The following ANO1 variants were observed in gnomAD, a reference collection of about 807,000 sequenced individuals.
ANO1 encodes the protein anoctamin-1.
Under a neutral mutation model 124.0 loss-of-function variants are expected in ANO1, and 59 were observed. The ratio of observed to expected loss-of-function variants is 0.48; its 90% CI spans 0.39 to 0.59. ANO1 has a LOEUF of 0.59. Among genes scored for constraint, ANO1 ranks in the 20% least tolerant of loss-of-function variants. The pLI, the probability that ANO1 is intolerant of heterozygous loss-of-function variation, is 0.00. For synonymous variants in ANO1, 529 were observed against 532.0 expected, an observed-to-expected ratio of 0.99 and a Z score of 0.08; for missense variants, 1,059 against 1,328.0, an observed-to-expected ratio of 0.80 and a Z score of 3.15.
chr11:70,134,865 G>A (rs2046893457), intron 11 of ANO1, among the ~76,000 whole-genome samples: 1 of 152,210 alleles, frequency 6.6e-6, no homozygotes, highest in Non-Finnish European at 1.5e-5. Flanking sequence ...GCGGGGCTGT[G>A]GCAGGAGCTC....
At chr11:70,067,183 A>G (rs1555008714) in intron 1 of ANO1, among the ~76,000 whole-genome samples, 1 of 152,012 alleles carries the variant, frequency 6.6e-6, no homozygotes, top group Non-Finnish European at 1.5e-5. Flanking sequence ...CCTTCCAGCC[A>G]TGTCCAAACC....
chr11:70,110,274 C>A (rs1590757793), intron 6 of ANO1, among the ~76,000 whole-genome samples: 1 of 150,008 alleles, frequency 6.7e-6, no homozygotes, highest in East Asian at 2.0e-4. Context: ...GCAACCTCTG[C>A]CTCCTGGGTT....
At chr11:70,123,763 C>A (rs190627304) in intron 8 of ANO1, among the ~76,000 whole-genome samples, 1 of 152,302 alleles carries the variant, frequency 6.6e-6, no homozygotes, top group Admixed American at 6.5e-5. Context: ...CCCACATGCG[C>A]GGGTTTATTT....
At chr11:70,132,532 T>A (rs2509175) in intron 11 of ANO1, among the ~76,000 whole-genome samples, 39,962 of 152,118 alleles carry the variant, frequency 0.26, 5,982 homozygotes, top group African/African-American at 0.42. Context: ...GTGCCCATTT[T>A]CGGATAAGGA....
chr11:70,064,888 G>T (rs9630216), intron 1 of ANO1: 23,094 of 152,276 alleles, frequency 0.15, 2,037 homozygotes, highest in African/African-American at 0.23. Flanking sequence ...AGAAGAATGG[G>T]GGTGGGGGAT....
chr11:69,983,174 A>C (rs1855973304), upstream of ANO1, among the ~76,000 whole-genome samples: 2 of 152,068 alleles, frequency 1.3e-5, no homozygotes, highest in Admixed American at 1.3e-4. Flanking sequence ...GAGTCCCTGC[A>C]AGTCCCCAGC....
intron 1 of ANO1, among the ~76,000 whole-genome samples, chr11:70,022,705 G>A (rs1856830326): frequency 6.6e-6 from 1 of 152,078 alleles, no homozygotes. Context: ...TCACTTAGTG[G>A]GTGTGGCAAG....
chr11:70,119,686 T>G (rs1590785660), intron 8 of ANO1, among the ~76,000 whole-genome samples: 1 of 141,138 alleles, frequency 7.1e-6, no homozygotes, highest in South Asian at 2.3e-4. Context: ...GATGGATGGG[T>G]GGAGGGGTGG....
intron 1 of ANO1, among the ~76,000 whole-genome samples, chr11:70,044,907 G>A (rs781981443): frequency 3.3e-5 from 5 of 152,178 alleles, no homozygotes; most frequent in Non-Finnish European, 5.9e-5. Flanking sequence ...TATTGGAACA[G>A]TGCATGAGAT....
the ANO1 span, among the ~76,000 whole-genome samples, chr11:69,970,222 C>T: frequency 1.3e-5 from 2 of 152,204 alleles, no homozygotes; most frequent in Admixed American, 6.5e-5. Flanking sequence ...AGAGGTGAGG[C>T]TCCACATCAG....
chr11:70,163,157 C>T (rs537665999), intron 18 of ANO1, 126 bp from the exon 19 acceptor site: 17 of 945,648 alleles, frequency 1.8e-5, no homozygotes, highest in East Asian at 1.3e-4. Flanking sequence ...CAGGGAGAGC[C>T]GCCTGTAGAT....
At chr11:70,109,423 C>T (rs984579703) in intron 6 of ANO1, among the ~76,000 whole-genome samples, 1 of 152,156 alleles carries the variant, frequency 6.6e-6, no homozygotes. Flanking sequence ...CAGGGATACC[C>T]TTGCAGGCCT....
chr11:70,009,468 C>G (rs1856551515), intron 1 of ANO1, among the ~76,000 whole-genome samples: 1 of 152,224 alleles, frequency 6.6e-6, no homozygotes, highest in African/African-American at 2.4e-5. Flanking sequence ...TTCCCTGGAC[C>G]TGAGTTCTCC....
At chr11:70,161,057 G>A in intron 16 of ANO1, 104 bp from the exon 17 acceptor site, 5 of 1,078,626 alleles carry the variant, frequency 4.6e-6, no homozygotes, top group Admixed American at 2.7e-5. Context: ...TGAAGCAGAA[G>A]AGCGGGAAGG....
chr11:70,060,499 G>A (rs1055765251), intron 1 of ANO1, among the ~76,000 whole-genome samples: 1 of 152,224 alleles, frequency 6.6e-6, no homozygotes, highest in African/African-American at 2.4e-5. Flanking sequence ...TGGGTGCTAA[G>A]TGAGAAACTG....
intron 10 of ANO1, among the ~76,000 whole-genome samples, chr11:70,128,906 C>T (rs193235019): frequency 6.6e-6 from 1 of 152,330 alleles, no homozygotes; most frequent in Non-Finnish European, 1.5e-5. Flanking sequence ...ATGGGCAGGC[C>T]GTTGGTGTAC....
At chr11:70,016,795 G>A (rs1555002014) in intron 1 of ANO1, among the ~76,000 whole-genome samples, 4 of 152,174 alleles carry the variant, frequency 2.6e-5, no homozygotes, top group Admixed American at 6.5e-5. Context: ...TAGACATTGT[G>A]GGCAAAGGAG....
At chr11:70,054,837 A>G (rs574820084) in intron 1 of ANO1, among the ~76,000 whole-genome samples, 1 of 152,324 alleles carries the variant, frequency 6.6e-6, no homozygotes, top group African/African-American at 2.4e-5. Flanking sequence ...TCATAAATTT[A>G]GATCATTAAT....
chr11:70,064,307 G>C (rs782461260), intron 1 of ANO1: 1 of 152,282 alleles, frequency 6.6e-6, no homozygotes, highest in Non-Finnish European at 1.5e-5. Context: ...CCTGGTGGGG[G>C]TTCTCTGACC....
Sources: gnomAD v4.1 joint callset for allele counts (sites outside exome capture counted in the v4.1 genomes callset) on GRCh38, gnomAD v4.1.1 for gene constraint, MANE v1.5 for transcripts, NCBI Gene and HGNC (gene_info 2026-07-23, HGNC 2026-07-21) for gene names.